PKP2: variants seen among roughly 807,000 people sequenced by gnomAD.
PKP2 encodes the protein plakophilin-2.
PKP2 carries 73 observed loss-of-function variants against 83.4 expected under a neutral mutation model. That is an observed-to-expected ratio of 0.88 (90% CI 0.72 to 1.06). The LOEUF is 1.06. Among genes scored for constraint, PKP2 ranks in the 50% least tolerant of loss-of-function variants. PKP2 has a pLI of 0.00. For synonymous variants in PKP2, 409 were observed against 430.4 expected, an observed-to-expected ratio of 0.95 and a Z score of 0.62; for missense variants, 966 against 1,065.4, an observed-to-expected ratio of 0.91 and a Z score of 1.30.
At chr12:32,862,953 C>T (rs540910429) in intron 4 of PKP2, among the ~76,000 whole-genome samples, 2 of 152,064 alleles carry the variant, frequency 1.3e-5, no homozygotes, top group Admixed American at 6.5e-5. Context: ...GAGCTAAGAT[C>T]GCGCCACTGC....
intron 1 of PKP2, among the ~76,000 whole-genome samples, chr12:32,885,642 C>T (rs2137975111): frequency 6.6e-6 from 1 of 150,532 alleles, no homozygotes; most frequent in Middle Eastern, 3.4e-3. Flanking sequence ...CCAGCCTGGG[C>T]AACAGAGCAA....
chr12:32,830,650 T>G (rs1956490875), intron 6 of PKP2, among the ~76,000 whole-genome samples: 1 of 152,120 alleles, frequency 6.6e-6, no homozygotes, highest in Non-Finnish European at 1.5e-5. Context: ...CTCATGCCTG[T>G]AATCCCAGCA....
chr12:32,879,270 C>T (rs1251403509), intron 1 of PKP2, among the ~76,000 whole-genome samples: 2 of 152,234 alleles, frequency 1.3e-5, no homozygotes, highest in South Asian at 2.1e-4. Flanking sequence ...TGGTGGCGCA[C>T]GCCTCTTATC....
At chr12:32,893,735 G>C (rs1387762732) in intron 1 of PKP2, 1 of 152,030 alleles carries the variant, frequency 6.6e-6, no homozygotes, top group Admixed American at 6.6e-5. Flanking sequence ...TATAGCAGAA[G>C]GACCAAGATA....
At chr12:32,847,015 T>C (rs1956653000) in intron 5 of PKP2, among the ~76,000 whole-genome samples, 1 of 151,984 alleles carries the variant, frequency 6.6e-6, no homozygotes, top group Non-Finnish European at 1.5e-5. Context: ...CCAATTATGC[T>C]TTCACCTCTT....
intron 9 of PKP2, among the ~76,000 whole-genome samples, chr12:32,804,249 G>A (rs1275928228): frequency 6.6e-6 from 1 of 152,210 alleles, no homozygotes; most frequent in African/African-American, 2.4e-5. Context: ...TCTGTTGGAT[G>A]GTTTTGCAAA....
chr12:32,821,745 C>T, intron 8 of PKP2: 1 of 531,860 alleles, frequency 1.9e-6, no homozygotes, highest in Non-Finnish European at 3.4e-6. Context: ...CTCCACACCC[C>T]TAACTTGATA....
intron 4 of PKP2, among the ~76,000 whole-genome samples, chr12:32,856,535 T>A (rs973887210): frequency 6.6e-6 from 1 of 151,898 alleles, no homozygotes; most frequent in South Asian, 2.1e-4. Flanking sequence ...TTCTCACTCA[T>A]AGGTGGGAAC....
At chr12:32,816,419 A>C (rs1167747293) in intron 9 of PKP2, among the ~76,000 whole-genome samples, 1 of 151,676 alleles carries the variant, frequency 6.6e-6, no homozygotes, top group Non-Finnish European at 1.5e-5. Flanking sequence ...ACATGATTTT[A>C]CTCTTTTTTC....
chr12:32,871,467 T>G (rs1415901048), intron 3 of PKP2, among the ~76,000 whole-genome samples: 1 of 151,988 alleles, frequency 6.6e-6, no homozygotes, highest in Non-Finnish European at 1.5e-5. Context: ...GGCTAATTTT[T>G]TTTTTTTATT....
chr12:32,840,798 C>T lies in PKP2; in HGVS notation c.1556+230G>A, dbSNP rs559230612. ...GTAGGCCGGGCACGGTGGCTCACGCCTATAATCCCAGCACTTCGGGAGGCC... is the reference window on the plus strand; with the variant it reads ...GTAGGCCGGGCACGGTGGCTCACGCTTATAATCCCAGCACTTCGGGAGGCC... On this transcript the variant is annotated intron_variant, in intron 6 of 12. Transcript: ENST00000340811. 5.4e-4 allele frequency among the ~76,000 whole-genome samples: 82 copies of T among 152,164 alleles called. 2 individuals are homozygous for T. Among genetic ancestry groups the T allele is most frequent in the African/African-American group, 1.9e-3 (79 of 41,532 alleles).
chr12:32,795,091 TAAAGAG>T (rs1170967150), intron 11 of PKP2, among the ~76,000 whole-genome samples: 2 of 152,210 alleles, frequency 1.3e-5, no homozygotes, highest in Admixed American at 6.5e-5. Context: ...CAGAATTGTA[TAAAGAG>T]AAAAAGATAA....
intron 4 of PKP2, among the ~76,000 whole-genome samples, chr12:32,866,734 A>G (rs1371529854): frequency 6.6e-6 from 1 of 152,146 alleles, no homozygotes; most frequent in Admixed American, 6.5e-5. Flanking sequence ...GTGAAATGGC[A>G]CAGCTACTTT....
chr12:32,795,691 T>G (rs1372391150), intron 11 of PKP2, among the ~76,000 whole-genome samples: 7 of 152,166 alleles, frequency 4.6e-5, no homozygotes, highest in African/African-American at 1.7e-4. Flanking sequence ...CATCACTGCT[T>G]CTTCTAAACC....
intron 6 of PKP2, among the ~76,000 whole-genome samples, chr12:32,831,333 TA>T (rs1373645030): frequency 3.9e-5 from 6 of 152,224 alleles, no homozygotes; most frequent in South Asian, 4.1e-4. Context: ...TAATAATGAA[TA>T]AAAAAAATTT....
intron 4 of PKP2, among the ~76,000 whole-genome samples, chr12:32,861,335 T>C (rs1307460325): frequency 6.6e-6 from 1 of 152,098 alleles, no homozygotes; most frequent in Non-Finnish European, 1.5e-5. Context: ...TGTTCAAAAA[T>C]CTTGAGCAAA....
intron 1 of PKP2, among the ~76,000 whole-genome samples, chr12:32,887,536 C>A (rs1353353355): frequency 6.6e-6 from 1 of 152,228 alleles, no homozygotes; most frequent in Admixed American, 6.5e-5. Context: ...TCACTGAAAC[C>A]TCTTCCTCTC....
chr12:32,839,819 A>T (rs757603249), intron 6 of PKP2, among the ~76,000 whole-genome samples: 1 of 152,226 alleles, frequency 6.6e-6, no homozygotes, highest in Non-Finnish European at 1.5e-5. Flanking sequence ...CTAGAAAAGC[A>T]GATTCAATGG....
intron 1 of PKP2, among the ~76,000 whole-genome samples, chr12:32,891,312 A>G (rs1287902661): frequency 6.6e-6 from 1 of 152,226 alleles, no homozygotes; most frequent in Non-Finnish European, 1.5e-5. Flanking sequence ...TCTGATTTAT[A>G]AACTCCAGAG....
Sources: gnomAD v4.1 joint callset for allele counts (sites outside exome capture counted in the v4.1 genomes callset) on GRCh38, gnomAD v4.1.1 for gene constraint, MANE v1.5 for transcripts, NCBI Gene and HGNC (gene_info 2026-07-23, HGNC 2026-07-21) for gene names.